Variants in SOX5 observed in about 807,000 individuals in gnomAD.
The protein encoded by SOX5 is transcription factor SOX-5.
A neutral mutation model predicts 92.0 loss-of-function variants in SOX5; 9 were observed. The observed-to-expected ratio is 0.10, with a 90% CI of 0.06 to 0.17. The LOEUF (loss-of-function observed/expected upper bound fraction) is 0.17, where lower values mean the gene tolerates loss of function less well. Ranked by LOEUF, SOX5 falls within the 10% of genes least tolerant of loss-of-function variation. SOX5 has a pLI of 1.00. For synonymous variants in SOX5, 344 were observed against 336.3 expected (o/e 1.02, Z -0.25); for missense variants, 642 against 944.5 (o/e 0.68, Z 4.20).
chr12:24,215,956 T>C (rs944459362), intron 3 of SOX5, among the ~76,000 whole-genome samples: 8 of 152,204 alleles, frequency 5.3e-5, no homozygotes, highest in African/African-American at 1.7e-4. Context: ...CCGATACATT[T>C]GTAGCTAGTT....
At chr12:23,974,579 T>C (rs1367247355) in intron 4 of SOX5, among the ~76,000 whole-genome samples, 1 of 152,218 alleles carries the variant, frequency 6.6e-6, no homozygotes, top group African/African-American at 2.4e-5. Context: ...TCTAGATTAG[T>C]ATCTTCCTTC....
At chr12:24,057,656 A>G (rs1265385468) in intron 4 of SOX5, among the ~76,000 whole-genome samples, 4 of 152,226 alleles carry the variant, frequency 2.6e-5, no homozygotes, top group Non-Finnish European at 2.9e-5. Flanking sequence ...ATTTTCTTCA[A>G]TAATACTGTC....
intron 8 of SOX5, 38 bp downstream of exon 8, chr12:23,640,773 AC>A: frequency 6.9e-7 from 1 of 1,450,026 alleles, no homozygotes. Context: ...TTCGATATTT[AC>A]TTAACCTTTG....
chr12:23,910,742 C>T (rs958405183), intron 1 of SOX5, among the ~76,000 whole-genome samples: 7 of 152,124 alleles, frequency 4.6e-5, no homozygotes, highest in South Asian at 2.1e-4. Flanking sequence ...AAGTCTTCTT[C>T]GTACTGTCCT....
chr12:23,889,442 C>A (rs549416256), intron 2 of SOX5, among the ~76,000 whole-genome samples: 1 of 152,244 alleles, frequency 6.6e-6, no homozygotes, highest in African/African-American at 2.4e-5. Context: ...ATTGAAAACA[C>A]ATAACTAACT....
chr12:23,982,469 A>C (rs1248871846), intron 4 of SOX5, among the ~76,000 whole-genome samples: 1 of 152,176 alleles, frequency 6.6e-6, no homozygotes, highest in Non-Finnish European at 1.5e-5. Context: ...CTAGAGATTC[A>C]TTATGTAATA....
At chr12:23,930,147 G>C (rs1381429700) in intron 1 of SOX5, among the ~76,000 whole-genome samples, 1 of 151,762 alleles carries the variant, frequency 6.6e-6, no homozygotes, top group Non-Finnish European at 1.5e-5. Context: ...GTGGGGAGGA[G>C]GGCAACATGC....
At chr12:24,315,023 GATTA>G (rs1206862348) in intron 2 of SOX5, among the ~76,000 whole-genome samples, 9 of 152,174 alleles carry the variant, frequency 5.9e-5, no homozygotes, top group Admixed American at 3.3e-4. Flanking sequence ...TGAGTTAATG[GATTA>G]ATTAATGAGT....
At chr12:23,880,097 A>G (rs2096971363) in intron 2 of SOX5, among the ~76,000 whole-genome samples, 1 of 152,228 alleles carries the variant, frequency 6.6e-6, no homozygotes, top group South Asian at 2.1e-4. Flanking sequence ...CTAGAGGAGC[A>G]ATAATCTATT....
At chr12:24,309,213 C>CGGTTG (rs1595442714) in intron 2 of SOX5, among the ~76,000 whole-genome samples, 1 of 152,238 alleles carries the variant, frequency 6.6e-6, no homozygotes, top group East Asian at 1.9e-4. Context: ...TAGAAACAAC[C>CGGTTG]GGCTTTTCAG....
At chr12:23,838,384 G>A (rs552753363) in intron 3 of SOX5, among the ~76,000 whole-genome samples, 5 of 151,230 alleles carry the variant, frequency 3.3e-5, no homozygotes, top group African/African-American at 7.3e-5. Context: ...TTAAATAAAC[G>A]TTCTTGTCAT....
At chr12:23,765,694 C>G (rs2094703439) in intron 3 of SOX5, among the ~76,000 whole-genome samples, 1 of 151,878 alleles carries the variant, frequency 6.6e-6, no homozygotes, top group Non-Finnish European at 1.5e-5. Context: ...CATAAAGTAC[C>G]ATTAGAACTA....
chr12:23,813,163 T>TA (rs1567980375), intron 3 of SOX5, among the ~76,000 whole-genome samples: 2 of 152,232 alleles, frequency 1.3e-5, no homozygotes, highest in African/African-American at 4.8e-5. Flanking sequence ...TGCCTAATGA[T>TA]AGATTCTTCA....
chr12:24,108,502 C>T (rs1446268478), intron 4 of SOX5, among the ~76,000 whole-genome samples: 1 of 152,104 alleles, frequency 6.6e-6, no homozygotes, highest in South Asian at 2.1e-4. Flanking sequence ...TTGTTGACTT[C>T]TGTCAAGTTA....
intron 3 of SOX5, among the ~76,000 whole-genome samples, chr12:23,757,205 A>G (rs1369336954): frequency 2.0e-5 from 3 of 151,936 alleles, no homozygotes; most frequent in Non-Finnish European, 4.4e-5. Flanking sequence ...TACGGAATGA[A>G]TTTGAAATGA....
chr12:23,580,523 G>A (rs778656461), intron 9 of SOX5, among the ~76,000 whole-genome samples: 1 of 151,788 alleles, frequency 6.6e-6, no homozygotes, highest in Non-Finnish European at 1.5e-5. Flanking sequence ...AGAGTGGTTT[G>A]GACTATTCTT....
intron 3 of SOX5, among the ~76,000 whole-genome samples, chr12:23,795,270 CTT>C (rs71445961): frequency 6.9e-6 from 1 of 145,780 alleles, no homozygotes; most frequent in African/African-American, 2.5e-5. Flanking sequence ...TTACCATTGA[CTT>C]TTTTTTTTTT....
chr12:24,114,220 G>A (rs1055609973), intron 4 of SOX5, among the ~76,000 whole-genome samples: 2 of 152,020 alleles, frequency 1.3e-5, no homozygotes, highest in African/African-American at 4.8e-5. Context: ...TCAAAAAAAA[G>A]TCCTGGGAGA....
At chr12:23,681,521 C>CA (rs1351391923) in intron 6 of SOX5, among the ~76,000 whole-genome samples, 1 of 151,116 alleles carries the variant, frequency 6.6e-6, no homozygotes, top group African/African-American at 2.4e-5. Flanking sequence ...ATCATAATAA[C>CA]AAAAAAGGTT....
Sources: allele counts gnomAD v4.1 joint callset (sites outside exome capture counted in the v4.1 genomes callset), GRCh38; gene constraint gnomAD v4.1.1; transcripts MANE v1.5; gene names NCBI Gene and HGNC (gene_info 2026-07-23, HGNC 2026-07-21).